PTPRD: variants seen among roughly 807,000 people sequenced by gnomAD.
PTPRD encodes the protein receptor-type tyrosine-protein phosphatase delta.
PTPRD carries 34 observed loss-of-function variants against 214.5 expected under a neutral mutation model. The ratio of observed to expected loss-of-function variants is 0.16; its 90% CI spans 0.12 to 0.21. PTPRD has a LOEUF of 0.21. Among genes scored for constraint, PTPRD ranks in the 10% least tolerant of loss-of-function variants. The pLI, the probability that PTPRD is intolerant of heterozygous loss-of-function variation, is 1.00. For synonymous variants in PTPRD, 1,128 were observed against 845.7 expected (o/e 1.33, Z -5.79); for missense variants, 2,545 against 2,398.7 (o/e 1.06, Z -1.27).
intron 35 of PTPRD, among the ~76,000 whole-genome samples, chr9:8,433,794 C>T (rs2095214971): frequency 6.6e-6 from 1 of 152,020 alleles, no homozygotes; most frequent in Admixed American, 6.6e-5. Flanking sequence ...GGTTAATCTA[C>T]TATTGAAATA....
At chr9:8,530,338 C>T (rs181905724) in intron 14 of PTPRD, among the ~76,000 whole-genome samples, 6 of 152,040 alleles carry the variant, frequency 3.9e-5, no homozygotes, top group Admixed American at 1.3e-4. Context: ...TTTTCTTCTG[C>T]CCACATTGAA....
At chr9:10,024,733 A>T (rs377246494) in intron 4 of PTPRD, among the ~76,000 whole-genome samples, 6 of 146,968 alleles carry the variant, frequency 4.1e-5, no homozygotes, top group East Asian at 4.2e-4. Flanking sequence ...GCACCCATTA[A>T]CTCGTCATTT....
At chr9:9,667,975 A>T (rs1017218225) in intron 7 of PTPRD, among the ~76,000 whole-genome samples, 3 of 152,184 alleles carry the variant, frequency 2.0e-5, no homozygotes, top group Non-Finnish European at 4.4e-5. Flanking sequence ...TTATTGGAAC[A>T]ACCTGCAGTA....
chr9:8,556,614 T>G (rs1249758099), intron 14 of PTPRD, among the ~76,000 whole-genome samples: 4 of 152,036 alleles, frequency 2.6e-5, no homozygotes, highest in Admixed American at 2.0e-4. Flanking sequence ...TAACCACACA[T>G]TTCTTTCCTA....
chr9:9,833,939 G>C (rs1205284341), intron 5 of PTPRD, among the ~76,000 whole-genome samples: 1 of 151,884 alleles, frequency 6.6e-6, no homozygotes, highest in Non-Finnish European at 1.5e-5. Context: ...TATAATTTTT[G>C]TAGTTAACGC....
intron 4 of PTPRD, among the ~76,000 whole-genome samples, chr9:9,954,791 C>G (rs1587115206): frequency 6.6e-6 from 1 of 151,906 alleles, no homozygotes; most frequent in Non-Finnish European, 1.5e-5. Flanking sequence ...GTAATAGATA[C>G]AAGTAACTAT....
chr9:8,825,789 T>A (rs1205609315), intron 11 of PTPRD, among the ~76,000 whole-genome samples: 1 of 139,438 alleles, frequency 7.2e-6, no homozygotes, highest in Non-Finnish European at 1.5e-5. Flanking sequence ...GCCTCCCCTT[T>A]CTAGACCATA....
chr9:8,960,733 T>C (rs2099154387), intron 11 of PTPRD, among the ~76,000 whole-genome samples: 2 of 152,120 alleles, frequency 1.3e-5, no homozygotes, highest in Non-Finnish European at 2.9e-5. Context: ...AATCCTGACA[T>C]TCATAAACTA....
At chr9:10,583,342 CT>C (rs35507449) in intron 2 of PTPRD, among the ~76,000 whole-genome samples, 6 of 148,892 alleles carry the variant, frequency 4.0e-5, no homozygotes, top group African/African-American at 9.9e-5. Context: ...AGGTAAGAGT[CT>C]TTTTTTTTTC....
chr9:8,838,958 A>C (rs1030829411), intron 11 of PTPRD, among the ~76,000 whole-genome samples: 2 of 152,172 alleles, frequency 1.3e-5, no homozygotes, highest in African/African-American at 4.8e-5. Flanking sequence ...ATGATGAATA[A>C]AGATCCTGTA....
chr9:9,699,567 A>AC (rs986572731), intron 7 of PTPRD, among the ~76,000 whole-genome samples: 29 of 152,052 alleles, frequency 1.9e-4, no homozygotes, highest in South Asian at 6.2e-4. Context: ...AACAGTTTTT[A>AC]CCCCCCCAAT....
At chr9:9,871,053 TA>T (rs2065281909) in intron 5 of PTPRD, among the ~76,000 whole-genome samples, 2 of 152,266 alleles carry the variant, frequency 1.3e-5, no homozygotes, top group African/African-American at 4.8e-5. Context: ...TCAGAAAGGA[TA>T]AAAATATGAA....
At chr9:9,896,724 G>A (rs1164363542) in intron 5 of PTPRD, among the ~76,000 whole-genome samples, 2 of 151,992 alleles carry the variant, frequency 1.3e-5, no homozygotes, top group Non-Finnish European at 2.9e-5. Context: ...AGAAAATACA[G>A]TTGCTTTGGG....
chr9:9,518,397 G>A (rs1443764307), intron 8 of PTPRD, among the ~76,000 whole-genome samples: 1 of 152,136 alleles, frequency 6.6e-6, no homozygotes, highest in African/African-American at 2.4e-5. Context: ...TTGTTAGGTG[G>A]ATATAATGTA....
At chr9:9,800,937 T>C (rs1272591961) in intron 5 of PTPRD, among the ~76,000 whole-genome samples, 1 of 152,168 alleles carries the variant, frequency 6.6e-6, no homozygotes, top group Non-Finnish European at 1.5e-5. Flanking sequence ...CACGATTAGT[T>C]GAGCTTTTTG....
At chr9:10,278,868 T>A (rs560160403) in intron 3 of PTPRD, among the ~76,000 whole-genome samples, 1 of 151,900 alleles carries the variant, frequency 6.6e-6, no homozygotes. Flanking sequence ...TCCGTCTCCT[T>A]GGTTCAAGCC....
intron 5 of PTPRD, among the ~76,000 whole-genome samples, chr9:9,840,754 T>C (rs1372749434): frequency 1.2e-5 from 1 of 80,550 alleles, no homozygotes. Context: ...AGAGCAAGAC[T>C]CCGTTTCAAA....
intron 10 of PTPRD, among the ~76,000 whole-genome samples, chr9:9,159,330 T>C (rs1375873038): frequency 6.6e-6 from 1 of 152,134 alleles, no homozygotes; most frequent in East Asian, 1.9e-4. Flanking sequence ...GACTCCACCA[T>C]AAAGCTGTTA....
chr9:8,606,862 A>G lies in PTPRD; in HGVS notation c.352+26455T>C, dbSNP rs544358159. ...TGCTTAAATTATAAATGAATCCAGG[A>G]TCTGTCACAGTTTTTTTTGTGTGAC... On this transcript the variant is annotated intron_variant, in intron 14 of 45. Transcript: ENST00000381196. Among the ~76,000 whole-genome samples, 5 of 152,328 alleles carry G rather than the reference A, an allele frequency of 3.3e-5. 1 individual carries two copies. In the South Asian group the frequency reaches 1.0e-3, roughly 32 times the overall value.
Sources: gnomAD v4.1 joint callset for allele counts (sites outside exome capture counted in the v4.1 genomes callset) on GRCh38, gnomAD v4.1.1 for gene constraint, MANE v1.5 for transcripts, NCBI Gene and HGNC (gene_info 2026-07-23, HGNC 2026-07-21) for gene names.